MAN1B1: variants seen among roughly 807,000 people sequenced by gnomAD.
MAN1B1 encodes mannosidase alpha class 1B member 1, also known as endoplasmic reticulum mannosyl-oligosaccharide 1,2-alpha-mannosidase.
A neutral mutation model predicts 75.5 loss-of-function variants in MAN1B1; 66 were observed. The observed-to-expected ratio is 0.87, with a 90% CI of 0.72 to 1.07. MAN1B1 has a LOEUF of 1.07. MAN1B1 is among the 50% of genes least tolerant of loss of function. The probability of loss-of-function intolerance (pLI) is 0.00; values close to 1 mark genes in which losing one functional copy is unlikely to be tolerated. For synonymous variants in MAN1B1, 453 were observed against 382.8 expected (o/e 1.18, Z -2.14); for missense variants, 973 against 912.5 (o/e 1.07, Z -0.85).
intron 3 of MAN1B1, chr9:137,094,430 A>G (rs1830599548): frequency 2.0e-6 from 1 of 495,070 alleles, no homozygotes; most frequent in East Asian, 5.6e-5. Context: ...TGATTGCATG[A>G]CCTGGTGGAG....
At position 137,108,801 on chromosome 9, in the gene MAN1B1, C is replaced by T. The variant is rs1331833283; in HGVS notation, c.*210C>T. The T allele has an allele frequency of 1.6e-5, 11 of 693,766 alleles. No homozygotes were observed. The highest frequency in any genetic ancestry group is 2.9e-5 in the Non-Finnish European group (11 of 380,058). The allele number at this position is 693,766 out of a possible 1,614,324, so 43.0% of individuals were successfully genotyped here. A position where few individuals can be genotyped will look rare whatever the true frequency, so the allele number is the denominator to read the frequency against. On this transcript the variant is annotated 3_prime_UTR_variant, in exon 13 of 13. Coordinates refer to ENST00000371589, the MANE Select transcript of MAN1B1 (RefSeq NM_016219.5). ...TGGTGTGATGCGGGGTGGGCTGGGC[C>T]GCTGGAGCCTCCGCCTGCTTCCTCC... is the stretch of plus-strand genomic sequence containing the variant.
chr9:137,101,785 C>T, intron 8 of MAN1B1, 113 bp downstream of exon 8: 1 of 1,298,794 alleles, frequency 7.7e-7, no homozygotes, highest in Non-Finnish European at 1.1e-6. Context: ...AGGTTTTTTA[C>T]TGTGATAAAA....
At position 137,106,816 on chromosome 9, in the gene MAN1B1, G is replaced by GT. The variant is rs1175016106; in HGVS notation, c.1566+8dup. 1 of 1,612,914 alleles carries GT rather than the reference G, an allele frequency of 6.2e-7. No homozygotes were observed. Among genetic ancestry groups the GT allele is most frequent in the African/African-American group, 1.3e-5 (1 of 74,954 alleles). On this transcript the variant is annotated splice_region_variant and intron_variant, in intron 10 of 12. Transcript: ENST00000371589. ...CCGCTTCAGTGCCAAGATGGTGAGT[G>GT]TGTCTGCGGGGCCTTCCGGCCGCCG...
Position 137,108,420 on chromosome 9 carries a change from T to C in MAN1B1, c.1929T>C (p.Asn643=), listed in dbSNP as rs771302082. 2.0e-5 allele frequency: 32 copies of C among 1,613,682 alleles called. No homozygotes were observed. Among genetic ancestry groups the C allele is most frequent in the Non-Finnish European group, 2.5e-5 (29 of 1,180,000 alleles). ...CGGGTGGCTATTCTTCCATCAACAATGTCCAGGATCCTCAGAAGCCCGAGC... is the reference window on the plus strand; with the variant it reads ...CGGGTGGCTATTCTTCCATCAACAACGTCCAGGATCCTCAGAAGCCCGAGC... ...VPSGGYSSIN[N]VQDPQKPEPR... The change falls in exon 13 of 13, where the codon AAT becomes AAC. Residue 643 remains asparagine, a synonymous_variant. Transcript: ENST00000371589.
intron 8 of MAN1B1, chr9:137,105,889 A>C (rs1831075488): frequency 1.5e-6 from 1 of 671,416 alleles, no homozygotes; most frequent in Non-Finnish European, 2.7e-6. Flanking sequence ...CTCTGTGGTG[A>C]CCACCCGTTG....
At position 137,097,908 on chromosome 9, in the gene MAN1B1, T is replaced by G; in HGVS notation, c.701T>G (p.Leu234Arg). 1 of 1,558,196 alleles carries G rather than the reference T, an allele frequency of 6.4e-7. No individual in the cohort carries two copies. The highest frequency in any genetic ancestry group is 1.2e-5 in the South Asian group (1 of 84,466). Residue 234 changes from leucine to arginine, a missense_variant, in exon 5 of 13, where the codon CTG (leucine) becomes CGG (arginine). Leu to Arg is a moderately radical substitution (Grantham distance 102, BLOSUM62 -2). Coordinates refer to ENST00000371589, the MANE Select transcript of MAN1B1 (RefSeq NM_016219.5). ...GCAGAAGTGCCCACCAAGCCTCCCC[T>G]GCCACCGGCCAGGACACAGGGCACA... The part of the protein sequence containing the change: ...RRAEVPTKPP[L>R]PPARTQGTPV...
intron 3 of MAN1B1, chr9:137,089,400 G>T: frequency 3.2e-6 from 1 of 310,632 alleles, no homozygotes; most frequent in Non-Finnish European, 6.2e-6. Context: ...GAGGGTTCAG[G>T]GGAGGCCGTG....
chr9:137,088,377 G>T (rs770788257), intron 2 of MAN1B1, 194 bp downstream of exon 2: 1 of 1,586,362 alleles, frequency 6.3e-7, no homozygotes, highest in Admixed American at 1.7e-5. Flanking sequence ...GATGCTGTCT[G>T]ACTACTTTCT....
chr9:137,094,422 A>T, intron 3 of MAN1B1: 1 of 501,626 alleles, frequency 2.0e-6, no homozygotes, highest in Non-Finnish European at 4.0e-6. Flanking sequence ...GAGGACAGTG[A>T]TTGCATGACC....
At chr9:137,098,955 T>C (rs1002130563) in intron 5 of MAN1B1, among the ~76,000 whole-genome samples, 1 of 152,162 alleles carries the variant, frequency 6.6e-6, no homozygotes, top group Non-Finnish European at 1.5e-5. Flanking sequence ...TCAGCCTCCC[T>C]AGTAGCTGGG....
At chr9:137,087,444 AAGAGGGCTC>A in intron 1 of MAN1B1, 1 of 704,156 alleles carries the variant, frequency 1.4e-6, no homozygotes, top group Non-Finnish European at 2.6e-6. Context: ...CGGTGGTGGG[AAGAGGGCTC>A]AGAGCCCCAG....
At chr9:137,108,019 T>C (rs943442903) in intron 12 of MAN1B1, 21 of 615,630 alleles carry the variant, frequency 3.4e-5, no homozygotes, top group East Asian at 3.0e-4. Flanking sequence ...GGCCCTGTTT[T>C]AGGTCACGCC....
chr9:137,104,097 T>C, intron 8 of MAN1B1: 1 of 456,784 alleles, frequency 2.2e-6, no homozygotes, highest in South Asian at 1.5e-5. Flanking sequence ...CCTTTTCATC[T>C]TAAAACTGAA....
chr9:137,091,168 A>G (rs1373587665), intron 3 of MAN1B1, among the ~76,000 whole-genome samples: 1 of 152,236 alleles, frequency 6.6e-6, no homozygotes, highest in African/African-American at 2.4e-5. Context: ...GAAAGCCGAC[A>G]GGTGCTTCCT....
chr9:137,087,330 C>G (rs1588578546), intron 1 of MAN1B1, 112 bp downstream of exon 1: 6 of 1,184,806 alleles, frequency 5.1e-6, no homozygotes, highest in East Asian at 5.1e-5. Flanking sequence ...CAGGCGCCGC[C>G]CTCTCCACCC....
Position 137,108,607 on chromosome 9 carries a change from G to A in MAN1B1, c.*16G>A, listed in dbSNP as rs1344850154. 7 of 1,612,920 alleles carry A rather than the reference G, an allele frequency of 4.3e-6. No individual in the cohort carries two copies. The highest frequency in any genetic ancestry group is 2.2e-5 in the East Asian group (1 of 44,904). ...CCCTGCCTAGGGTGGATGGCTGCTG[G>A]TGTGGGGACTTCGGGTGGGCAGAGG... On this transcript the variant is annotated 3_prime_UTR_variant, in exon 13 of 13. Transcript: ENST00000371589.
chr9:137,108,537 T>C lies in MAN1B1; in HGVS notation c.2046T>C (p.Asp682=), dbSNP rs4880091. 0.76 allele frequency: 1,218,670 copies of C among 1,613,658 alleles called. 462,536 individuals are homozygous for C. Among genetic ancestry groups the C allele is most frequent in the African/African-American group, 0.95 (71,473 of 75,016 alleles). The part of the protein sequence containing the change: ...FSDDPNLLSL[D]AYVFNTEAHP... ...ATGACCCAAACCTGCTCAGCCTGGA[T>C]GCCTACGTGTTCAACACCGAAGCCC... Residue 682 remains aspartate (D), a synonymous_variant, in exon 13 of 13, where the codon GAT becomes GAC. Coordinates refer to ENST00000371589, the MANE Select transcript of MAN1B1 (RefSeq NM_016219.5).
At chr9:137,095,522 C>T (rs908889449) in intron 3 of MAN1B1, among the ~76,000 whole-genome samples, 3 of 152,082 alleles carry the variant, frequency 2.0e-5, no homozygotes, top group African/African-American at 7.2e-5. Context: ...AGTTTAAGAC[C>T]AGCCTGGGCA....
rs1394745557 is a variant in MAN1B1, at chr9:137,099,899, G to C, written c.916+18G>C. On this transcript the variant is annotated intron_variant, in intron 6 of 12. Transcript: ENST00000371589. ...GAGGAAAGGTACCTGGTGCTTTCTGGGGAGGGGCTGAGCCCTCCGTGTGGG... is the reference window on the plus strand; with the variant it reads ...GAGGAAAGGTACCTGGTGCTTTCTGCGGAGGGGCTGAGCCCTCCGTGTGGG... 1.2e-5 allele frequency: 19 copies of C among 1,613,922 alleles called. No individual in the cohort carries two copies. Among genetic ancestry groups the C allele is most frequent in the Admixed American group, 5.0e-5 (3 of 60,028 alleles).
Sources: gnomAD v4.1 joint callset for allele counts (sites outside exome capture counted in the v4.1 genomes callset) on GRCh38, gnomAD v4.1.1 for gene constraint, MANE v1.5 for transcripts, NCBI Gene and HGNC (gene_info 2026-07-23, HGNC 2026-07-21) for gene names.